Variants in RBFOX1 observed in about 807,000 individuals in gnomAD.
RBFOX1 encodes RNA binding fox-1 homolog 1.
RBFOX1 carries 8 observed loss-of-function variants against 57.7 expected under a neutral mutation model. That is an observed-to-expected ratio of 0.14 (90% CI 0.08 to 0.25). RBFOX1 has a LOEUF of 0.25. Ranked by LOEUF, RBFOX1 falls within the 10% of genes least tolerant of loss-of-function variation. The probability of loss-of-function intolerance (pLI) is 1.00; values close to 1 mark genes in which losing one functional copy is unlikely to be tolerated. For synonymous variants in RBFOX1, 326 were observed against 222.4 expected (o/e 1.47, Z -4.15); for missense variants, 611 against 548.5 (o/e 1.11, Z -1.14).
intron 3 of RBFOX1, among the ~76,000 whole-genome samples, chr16:6,922,568 C>T (rs1450476953): frequency 2.6e-5 from 4 of 152,060 alleles, no homozygotes; most frequent in African/African-American, 7.2e-5. Flanking sequence ...AGACAGTTGG[C>T]TTTTTTCGTG....
chr16:7,586,507 A>G (rs2094135015), intron 6 of RBFOX1, among the ~76,000 whole-genome samples: 1 of 152,236 alleles, frequency 6.6e-6, no homozygotes, highest in Admixed American at 6.5e-5. Context: ...AAGTATAAGT[A>G]TGTCCCAAAT....
chr16:7,162,737 AT>A (rs549195730), intron 4 of RBFOX1, among the ~76,000 whole-genome samples: 112 of 152,268 alleles, frequency 7.4e-4, no homozygotes, highest in African/African-American at 2.2e-3. Context: ...TCAAAAAAAA[AT>A]AATCCAGATT....
At chr16:7,507,798 C>A (rs573352046) in intron 4 of RBFOX1, among the ~76,000 whole-genome samples, 8 of 151,890 alleles carry the variant, frequency 5.3e-5, no homozygotes, top group Non-Finnish European at 1.2e-4. Flanking sequence ...GTCCTGACGT[C>A]GTGATCCGCC....
In RBFOX1 at chr16:6,696,073, T is replaced by A. The variant is rs999994126; in HGVS notation, c.-16+41423T>A. ...GAGGCAATTGTTGTATCTAGAAAAC[T>A]GTGAAAATTGAATTAAATTACAGGT... is the stretch of plus-strand genomic sequence containing the variant. On this transcript the variant is annotated intron_variant, in intron 3 of 15. Transcript: ENST00000550418. Among the ~76,000 whole-genome samples, 3 of 152,200 alleles carry A rather than the reference T, an allele frequency of 2.0e-5. No individual in the cohort carries two copies. The East Asian group carries it at 5.8e-4, about 29-fold the overall frequency.
intron 14 of RBFOX1, chr16:7,693,400 T>A (rs757229472): frequency 3.1e-5 from 40 of 1,308,764 alleles, no homozygotes; most frequent in Non-Finnish European, 4.1e-5. Flanking sequence ...GATGCATCCA[T>A]CCAAGTCTCA....
intron 4 of RBFOX1, among the ~76,000 whole-genome samples, chr16:7,410,121 A>G (rs1372024365): frequency 6.6e-6 from 1 of 152,186 alleles, no homozygotes; most frequent in Non-Finnish European, 1.5e-5. Flanking sequence ...CTGTCATTTG[A>G]CAATTGTTAA....
intron 3 of RBFOX1, chr16:6,748,927 G>A (rs1165172745): frequency 6.6e-6 from 1 of 152,118 alleles, no homozygotes; most frequent in African/African-American, 2.4e-5. Context: ...AGTTCTTTCA[G>A]AATTTGTCTA....
intron 3 of RBFOX1, among the ~76,000 whole-genome samples, chr16:6,696,291 A>C (rs1443517500): frequency 2.0e-5 from 3 of 152,194 alleles, no homozygotes; most frequent in African/African-American, 7.2e-5. Flanking sequence ...TCTCCAAACT[A>C]AGTGAAATAT....
intron 3 of RBFOX1, among the ~76,000 whole-genome samples, chr16:7,029,332 C>T (rs1052812123): frequency 1.4e-5 from 2 of 145,964 alleles, no homozygotes; most frequent in Non-Finnish European, 3.0e-5. Flanking sequence ...TCAAGAAGAG[C>T]CAGAAGAGAT....
chr16:7,540,784 A>G (rs985328107), intron 5 of RBFOX1, among the ~76,000 whole-genome samples: 13 of 152,216 alleles, frequency 8.5e-5, no homozygotes, highest in Admixed American at 2.0e-4. Flanking sequence ...CCCAGCACTC[A>G]TGCTAGGCTT....
intron 2 of RBFOX1, among the ~76,000 whole-genome samples, chr16:6,358,434 C>T (rs1239178040): frequency 6.6e-6 from 1 of 152,158 alleles, no homozygotes; most frequent in Non-Finnish European, 1.5e-5. Flanking sequence ...TTGCCAGCTT[C>T]AACATAATTG....
chr16:6,610,792 C>G (rs2098036975), intron 2 of RBFOX1, among the ~76,000 whole-genome samples: 1 of 152,166 alleles, frequency 6.6e-6, no homozygotes, highest in Non-Finnish European at 1.5e-5. Context: ...CTTTCACATC[C>G]CCTGCTTTGA....
chr16:6,151,303 T>A (rs1164221105), intron 1 of RBFOX1, among the ~76,000 whole-genome samples: 1 of 152,172 alleles, frequency 6.6e-6, no homozygotes, highest in East Asian at 1.9e-4. Context: ...TTTCTTTTTT[T>A]GAGACGGAGT....
At chr16:6,204,140 G>A (rs1280137708) in intron 1 of RBFOX1, among the ~76,000 whole-genome samples, 2 of 152,100 alleles carry the variant, frequency 1.3e-5, no homozygotes, top group Admixed American at 6.6e-5. Context: ...TACCACTGAT[G>A]TTGTTGATAC....
chr16:7,431,520 G>T (rs950777145), intron 4 of RBFOX1, among the ~76,000 whole-genome samples: 1 of 152,180 alleles, frequency 6.6e-6, no homozygotes, highest in Admixed American at 6.5e-5. Flanking sequence ...GATTATGGGC[G>T]TGAGCCACCG....
At chr16:6,257,979 T>C (rs8063289) in intron 1 of RBFOX1, among the ~76,000 whole-genome samples, 125,781 of 152,104 alleles carry the variant, frequency 0.83, 53,709 homozygotes, top group East Asian at 0.95. Flanking sequence ...TTCTCTTTTT[T>C]GGTCTTTGAG....
At chr16:6,688,272 C>G (rs906379358) in intron 3 of RBFOX1, among the ~76,000 whole-genome samples, 4 of 152,132 alleles carry the variant, frequency 2.6e-5, no homozygotes, top group African/African-American at 9.6e-5. Flanking sequence ...TGTAAACAAC[C>G]ACATCTCATG....
chr16:7,281,465 C>G (rs1038451123), intron 4 of RBFOX1, among the ~76,000 whole-genome samples: 4 of 152,054 alleles, frequency 2.6e-5, no homozygotes, highest in East Asian at 3.9e-4. Context: ...ACAGATAGTT[C>G]TAACACTGTA....
intron 1 of RBFOX1, among the ~76,000 whole-genome samples, chr16:6,229,913 C>T (rs527379289): frequency 1.3e-4 from 19 of 151,556 alleles, no homozygotes; most frequent in African/African-American, 3.2e-4. Flanking sequence ...TTTGTCCTCG[C>T]GAAAGTGATC....
Sources: gnomAD v4.1 joint callset for allele counts (sites outside exome capture counted in the v4.1 genomes callset) on GRCh38, gnomAD v4.1.1 for gene constraint, MANE v1.5 for transcripts, NCBI Gene and HGNC (gene_info 2026-07-23, HGNC 2026-07-21) for gene names.